The following DLC1 variants were observed in gnomAD, a reference collection of about 807,000 sequenced individuals.
DLC1 encodes rho GTPase-activating protein 7.
DLC1 carries 54 observed loss-of-function variants against 140.3 expected under a neutral mutation model. That is an observed-to-expected ratio of 0.38 (90% confidence interval 0.31 to 0.48). The LOEUF is 0.48. DLC1 is among the 20% of genes least tolerant of loss of function. DLC1 has a pLI of 0.96. For missense variants in DLC1, 2,536 were observed against 1,907.0 expected (o/e 1.33, Z -6.14); for synonymous variants, 986 against 728.1 (o/e 1.35, Z -5.70).
chr8:13,393,016 A>G (rs920563304), intron 4 of DLC1, among the ~76,000 whole-genome samples: 1 of 152,108 alleles, frequency 6.6e-6, no homozygotes, highest in Non-Finnish European at 1.5e-5. Context: ...TAAACCTATT[A>G]TCTATCTATG....
At chr8:13,372,183 A>G (rs1270430123) in intron 4 of DLC1, among the ~76,000 whole-genome samples, 1 of 152,204 alleles carries the variant, frequency 6.6e-6, no homozygotes, top group Non-Finnish European at 1.5e-5. Flanking sequence ...AGTGGGAAAT[A>G]GAAAACTAAA....
intron 5 of DLC1, among the ~76,000 whole-genome samples, chr8:13,278,464 GAATAAGACCTCA>G (rs1831252578): frequency 5.3e-5 from 8 of 152,150 alleles, no homozygotes; most frequent in Admixed American, 5.2e-4. Flanking sequence ...ACTTTAGGAT[GAATAAGACCTCA>G]ACTCTGTCTT....
At chr8:13,376,335 G>T (rs920406774) in intron 4 of DLC1, among the ~76,000 whole-genome samples, 3 of 152,158 alleles carry the variant, frequency 2.0e-5, no homozygotes, top group African/African-American at 4.8e-5. Flanking sequence ...GGAAGCATTT[G>T]CTAATGACAA....
chr8:13,454,754 A>T (rs545896652), intron 2 of DLC1, among the ~76,000 whole-genome samples: 21 of 152,240 alleles, frequency 1.4e-4, no homozygotes, highest in African/African-American at 5.1e-4. Context: ...GCGTCTCCTT[A>T]TGTTGCCCAG....
chr8:13,588,232 A>G (rs533974944), intron 1 of DLC1, among the ~76,000 whole-genome samples: 249 of 152,182 alleles, frequency 1.6e-3, no homozygotes, highest in Middle Eastern at 6.8e-3. Flanking sequence ...AAATAGACAA[A>G]CCCTGGTGCC....
At chr8:13,599,020 C>A (rs533610031) in intron 1 of DLC1, among the ~76,000 whole-genome samples, 7 of 151,480 alleles carry the variant, frequency 4.6e-5, no homozygotes, top group African/African-American at 1.7e-4. Flanking sequence ...AAACATTTAA[C>A]TAAGGTACCA....
intron 2 of DLC1, among the ~76,000 whole-genome samples, chr8:13,417,077 T>C (rs1838099990): frequency 6.6e-6 from 1 of 152,082 alleles, no homozygotes; most frequent in Non-Finnish European, 1.5e-5. Flanking sequence ...CAGAAATGTG[T>C]CAACAATTAT....
chr8:13,382,303 C>G (rs914854104), intron 4 of DLC1, among the ~76,000 whole-genome samples: 2 of 151,014 alleles, frequency 1.3e-5, no homozygotes, highest in East Asian at 3.9e-4. Context: ...GTCAGGAGAT[C>G]GAGACCATCC....
intron 1 of DLC1, among the ~76,000 whole-genome samples, chr8:13,585,698 C>A (rs1360784953): frequency 6.6e-6 from 1 of 152,104 alleles, no homozygotes; most frequent in African/African-American, 2.4e-5. Context: ...TGGTGGTTTG[C>A]TGAAAATTTT....
At chr8:13,354,194 CT>C (rs1234488074) in intron 4 of DLC1, among the ~76,000 whole-genome samples, 1 of 152,060 alleles carries the variant, frequency 6.6e-6, no homozygotes, top group Non-Finnish European at 1.5e-5. Flanking sequence ...ATATGCCAAC[CT>C]TTTTCCAGGC....
intron 5 of DLC1, among the ~76,000 whole-genome samples, chr8:13,182,848 C>T (rs940433813): frequency 1.3e-5 from 2 of 152,096 alleles, no homozygotes; most frequent in Non-Finnish European, 2.9e-5. Context: ...TTTTCCAATT[C>T]TGTGAAGAAA....
At chr8:13,371,616 T>C (rs1170066113) in intron 4 of DLC1, among the ~76,000 whole-genome samples, 1 of 152,120 alleles carries the variant, frequency 6.6e-6, no homozygotes, top group Non-Finnish European at 1.5e-5. Context: ...GTTATTTCCT[T>C]GGCATTCTAC....
intron 3 of DLC1, among the ~76,000 whole-genome samples, chr8:13,395,469 G>A (rs530451333): frequency 2.6e-5 from 4 of 152,158 alleles, no homozygotes; most frequent in Non-Finnish European, 4.4e-5. Context: ...TGCATCGCAA[G>A]AGTAAGGACT....
chr8:13,428,055 T>G (rs2117378712), intron 2 of DLC1, among the ~76,000 whole-genome samples: 1 of 152,220 alleles, frequency 6.6e-6, no homozygotes, highest in African/African-American at 2.4e-5. Context: ...ATGATGAAAG[T>G]TGAGGGCTTG....
chr8:13,100,665 G>C lies in DLC1; in HGVS notation c.1672C>G (p.Pro558Ala). Residue 558 changes from proline to alanine, a missense_variant, in exon 9 of 18, where the codon CCA (proline) becomes GCA (alanine). Transcript: ENST00000276297. ...SRLEEFDVFS[P>A]KQDLVPGSPD... is the part of the protein sequence containing the mutation. Reference sequence around the variant, plus strand: ...GACCCAGGGACCAGGTCTTGTTTTGGAGAAAAGACATCAAACTCTTCAAGC... The same window carrying C: ...GACCCAGGGACCAGGTCTTGTTTTGCAGAAAAGACATCAAACTCTTCAAGC... 2 of 1,614,092 alleles carry C rather than the reference G, an allele frequency of 1.2e-6. No individual in the cohort carries two copies. The highest frequency in any genetic ancestry group is 2.2e-5 in the East Asian group (1 of 44,860).
intron 2 of DLC1, among the ~76,000 whole-genome samples, chr8:13,496,694 A>G (rs1429999443): frequency 1.3e-5 from 2 of 151,684 alleles, no homozygotes; most frequent in African/African-American, 4.8e-5. Flanking sequence ...CCTCTTTAAA[A>G]GTTAGTGTGC....
rs954183118 is a variant in DLC1 at position 13,083,513 on chromosome 8, G to A, written c.*2298C>T. 11 of 152,300 alleles carry A rather than the reference G, an allele frequency of 7.2e-5. No homozygotes were observed. Among genetic ancestry groups the A allele is most frequent in the Middle Eastern group, 3.4e-3 (1 of 294 alleles). The allele number at this position is 152,300 out of a possible 1,614,324, so 9.4% of individuals were successfully genotyped here. A position where few individuals can be genotyped will look rare whatever the true frequency, so the allele number is the denominator to read the frequency against. On this transcript the variant is annotated 3_prime_UTR_variant, in exon 18 of 18. Coordinates refer to ENST00000276297, the MANE Select transcript of DLC1 (RefSeq NM_182643.3). ...AGTCACACAAATAAGTTGTGATGGC[G>A]CTCTAAGTGACCTCAGCAGAGTTCT...
At chr8:13,431,713 C>T (rs761993520) in intron 2 of DLC1, among the ~76,000 whole-genome samples, 3 of 151,600 alleles carry the variant, frequency 2.0e-5, no homozygotes, top group Non-Finnish European at 2.9e-5. Context: ...CAGGGGGATA[C>T]GGACTGATGG....
chr8:13,278,077 CTG>C (rs931534620), intron 5 of DLC1, among the ~76,000 whole-genome samples: 16 of 152,230 alleles, frequency 1.1e-4, no homozygotes, highest in African/African-American at 3.9e-4. Context: ...TGTTCCCAAA[CTG>C]TTAAAGCTCA....
Sources: allele counts gnomAD v4.1 joint callset (sites outside exome capture counted in the v4.1 genomes callset), GRCh38; gene constraint gnomAD v4.1.1; transcripts MANE v1.5; gene names NCBI Gene and HGNC (gene_info 2026-07-23, HGNC 2026-07-21).